The following MAPKAP1 variants were observed in gnomAD, a reference collection of about 807,000 sequenced individuals.
MAPKAP1 encodes the protein target of rapamycin complex 2 subunit MAPKAP1.
In MAPKAP1, 20 loss-of-function variants were observed where a neutral mutation model predicts 65.7. The observed-to-expected ratio is 0.30, with a 90% CI of 0.21 to 0.44. MAPKAP1 has a LOEUF of 0.44. Among genes scored for constraint, MAPKAP1 ranks in the 20% least tolerant of loss-of-function variants. The pLI is 1.00. For missense variants in MAPKAP1, 423 were observed against 648.0 expected, an observed-to-expected ratio of 0.65 and a Z score of 3.77; for synonymous variants, 222 against 244.3, an observed-to-expected ratio of 0.91 and a Z score of 0.85.
At chr9:125,497,248 T>C (rs1828834834) in intron 8 of MAPKAP1, among the ~76,000 whole-genome samples, 1 of 152,172 alleles carries the variant, frequency 6.6e-6, no homozygotes, top group Non-Finnish European at 1.5e-5. Context: ...ACCTTAAAAT[T>C]AGGAAATGAG....
At chr9:125,502,090 C>A (rs1395232038) in intron 8 of MAPKAP1, among the ~76,000 whole-genome samples, 1 of 151,550 alleles carries the variant, frequency 6.6e-6, no homozygotes, top group East Asian at 1.9e-4. Context: ...TACTATTCAG[C>A]CTTTCTTCTT....
At position 125,559,664 on chromosome 9, in the gene MAPKAP1, G is replaced by C. The variant is rs1830835364; in HGVS notation, c.817C>G (p.Leu273Val). Residue 273 changes from leucine to valine, a missense_variant, in exon 6 of 12, where the codon CTG becomes GTG. Physicochemically the swap from Leu to Val is conservative, Grantham distance 32. Around this residue, in one of 6 missense-constraint regions of MAPKAP1, gnomAD observed 98 missense variants for 200.5 expected, o/e 0.49. Coordinates refer to ENST00000265960, the MANE Select transcript of MAPKAP1 (RefSeq NM_001006617.3). ...ACAAAGAGTGACTCTTTGGATGTCA[G>C]ACCAGGAGATGAGTACTTTTCAACC... Reference protein sequence around the residue: ...ALVEKYSSPGLTSKESLFVRI... With the variant: ...ALVEKYSSPGVTSKESLFVRI... 1 of 1,613,950 alleles carries C rather than the reference G, an allele frequency of 6.2e-7. No homozygotes were observed. The highest frequency in any genetic ancestry group is 8.5e-7 in the Non-Finnish European group (1 of 1,179,914).
intron 1 of MAPKAP1, among the ~76,000 whole-genome samples, chr9:125,701,188 C>T (rs1376767773): frequency 6.6e-6 from 1 of 152,186 alleles, no homozygotes; most frequent in East Asian, 1.9e-4. Flanking sequence ...ACCAATTTCT[C>T]TGCTGAAATG....
intron 5 of MAPKAP1, among the ~76,000 whole-genome samples, chr9:125,579,246 A>G (rs991293318): frequency 8.5e-5 from 13 of 152,218 alleles, no homozygotes; most frequent in African/African-American, 2.4e-4. Flanking sequence ...ATTGGGGCCA[A>G]AGTCTACTAC....
Position 125,457,774 on chromosome 9 carries a change from C to T in MAPKAP1, c.1345+10198G>A, listed in dbSNP as rs182820377. ...GAATCACTACTAAATGCCCTGGATG[C>T]TCCACTCTGGTTAGCCAGAACTCTA... On this transcript the variant is annotated intron_variant, in intron 10 of 11. Coordinates refer to ENST00000265960, the MANE Select transcript of MAPKAP1 (RefSeq NM_001006617.3). Among the ~76,000 whole-genome samples the T allele has an allele frequency of 2.0e-5, 3 of 152,328 alleles. No homozygotes were observed. In the East Asian group the frequency reaches 5.8e-4, roughly 29 times the overall value.
At position 125,595,833 on chromosome 9, in the gene MAPKAP1, G is replaced by GT; in HGVS notation, c.499-10107dup. ...GATTCCAACACCAAGCGTTCCGGGG[G>GT]TTTTGGGTTTGTCACCTATGCCACT... On this transcript the variant is annotated intron_variant, in intron 4 of 11. Transcript: ENST00000265960. This position sits in a 1 kb window ranked among gnomAD's most constrained non-coding sequence, Gnocchi z 4.0. 8.8e-7 allele frequency: 1 copy of GT among 1,134,042 alleles called. No individual in the cohort carries two copies. Among genetic ancestry groups the GT allele is most frequent in the Admixed American group, 1.7e-5 (1 of 59,192 alleles). 70.2% of individuals were successfully genotyped at this position (1,134,042 alleles called of 1,614,324 possible).
intron 7 of MAPKAP1, chr9:125,521,414 C>G: frequency 6.9e-6 from 7 of 1,020,780 alleles, no homozygotes; most frequent in Non-Finnish European, 8.4e-6. Flanking sequence ...GTCACTGTGA[C>G]AATACCAAAT....
intron 4 of MAPKAP1, among the ~76,000 whole-genome samples, chr9:125,619,760 G>C (rs1363083600): frequency 6.6e-6 from 1 of 151,382 alleles, no homozygotes; most frequent in African/African-American, 2.4e-5. Context: ...TCAAAATCCA[G>C]AAGCTATAGA....
At chr9:125,581,548 C>A (rs1831626399) in intron 5 of MAPKAP1, among the ~76,000 whole-genome samples, 1 of 152,184 alleles carries the variant, frequency 6.6e-6, no homozygotes. Flanking sequence ...AAACTTTCTA[C>A]TGTTGGGTTC....
At chr9:125,582,529 C>T (rs2131573228) in intron 5 of MAPKAP1, among the ~76,000 whole-genome samples, 1 of 152,278 alleles carries the variant, frequency 6.6e-6, no homozygotes, top group East Asian at 1.9e-4. Context: ...AAACAGAGGC[C>T]TCCAGACCAG....
At chr9:125,571,301 A>C (rs777769080) in intron 5 of MAPKAP1, among the ~76,000 whole-genome samples, 71 of 152,184 alleles carry the variant, frequency 4.7e-4, no homozygotes, top group Non-Finnish European at 5.4e-4. Flanking sequence ...GGCTGTCCTA[A>C]AACTTTTTAT....
chr9:125,468,091 A>G lies in MAPKAP1; in HGVS notation c.1226T>C (p.Val409Ala). The G allele has an allele frequency of 6.2e-7, 1 of 1,614,196 alleles. No individual in the cohort carries two copies. Among genetic ancestry groups the G allele is most frequent in the Non-Finnish European group, 8.5e-7 (1 of 1,179,998 alleles). Reference protein sequence around the residue: ...DVQLGISGDKVEIDPVTNQKA... With the variant: ...DVQLGISGDKAEIDPVTNQKA... ...CTGATTCGTAACAGGGTCTATCTCT[A>G]CTTTGTCTCCAGAGATACCTGTAAG... The change falls in exon 10 of 12, where the codon GTA becomes GCA. Residue 409 changes from valine (V) to alanine (A), a missense_variant. Coordinates refer to ENST00000265960, the MANE Select transcript of MAPKAP1 (RefSeq NM_001006617.3).
At chr9:125,654,032 T>C (rs1167176770) in intron 4 of MAPKAP1, among the ~76,000 whole-genome samples, 2 of 152,194 alleles carry the variant, frequency 1.3e-5, no homozygotes, top group African/African-American at 4.8e-5. Context: ...TGATATGGCA[T>C]AAAATGGATA....
intron 4 of MAPKAP1, among the ~76,000 whole-genome samples, chr9:125,655,617 C>A (rs1834013713): frequency 6.6e-6 from 1 of 152,140 alleles, no homozygotes; most frequent in Non-Finnish European, 1.5e-5. Flanking sequence ...ATGTACAGTA[C>A]AATATCCTTC....
intron 7 of MAPKAP1, among the ~76,000 whole-genome samples, chr9:125,540,431 T>C: frequency 6.6e-6 from 1 of 152,244 alleles, no homozygotes; most frequent in East Asian, 1.9e-4. Context: ...TATCAAAGGA[T>C]TTCTGAAATC....
chr9:125,607,854 C>T (rs1832485567), intron 4 of MAPKAP1, among the ~76,000 whole-genome samples: 1 of 152,182 alleles, frequency 6.6e-6, no homozygotes, highest in African/African-American at 2.4e-5. Context: ...CGGGGTTTCA[C>T]CATGTTGGCC....
chr9:125,672,442 A>G lies in MAPKAP1; in HGVS notation c.133T>C (p.Ser45Pro), dbSNP rs1834524043. 6.2e-7 allele frequency: 1 copy of G among 1,614,152 alleles called. No homozygotes were observed. The highest frequency in any genetic ancestry group is 1.1e-5 in the South Asian group (1 of 91,072). ...TCTGACCCACTGTCTCCAGGCATTG[A>G]AGGAGGATGAATCTTCTCTAGGTCA... The part of the protein sequence containing the change: ...DVDLEKIHPP[S>P]MPGDSGSEIQ... The change falls in exon 2 of 12, where the codon TCA becomes CCA. Residue 45 changes from serine to proline, a missense_variant. Ser to Pro is a moderately conservative substitution (Grantham distance 74). Transcript: ENST00000265960.
At chr9:125,620,599 C>T (rs1307035118) in intron 4 of MAPKAP1, among the ~76,000 whole-genome samples, 1 of 152,060 alleles carries the variant, frequency 6.6e-6, no homozygotes, top group Non-Finnish European at 1.5e-5. Context: ...AGATTAGAAA[C>T]AAGTCAAGTC....
intron 6 of MAPKAP1, among the ~76,000 whole-genome samples, chr9:125,551,294 T>G (rs557191126): frequency 5.1e-4 from 78 of 152,214 alleles, no homozygotes; most frequent in African/African-American, 1.7e-3. Flanking sequence ...ATACTGTGGA[T>G]TTATCATCAA....
Sources: gnomAD v4.1 joint callset for allele counts (sites outside exome capture counted in the v4.1 genomes callset) on GRCh38, gnomAD v4.1.1 for gene constraint, gnomAD v4.1.1 regional missense constraint, Gnocchi (gnomAD v3.1) non-coding constraint, MANE v1.5 for transcripts, NCBI Gene and HGNC (gene_info 2026-07-23, HGNC 2026-07-21) for gene names.